SAMD5: variants seen among roughly 807,000 people sequenced by gnomAD.
SAMD5 encodes the protein sterile alpha motif domain-containing protein 5.
SAMD5 carries 13 observed loss-of-function variants against 11.3 expected under a neutral mutation model. The ratio of observed to expected loss-of-function variants is 1.15; its 90% CI spans 0.75 to 1.83. The LOEUF is 1.83. Ranked by LOEUF, SAMD5 falls within the 40% of genes most tolerant of loss-of-function variation. The pLI is 0.00. For missense variants in SAMD5, 255 were observed against 239.1 expected (o/e 1.07, Z -0.44); for synonymous variants, 129 against 111.3 (o/e 1.16, Z -1.00).
chr6:147,917,570 CATTTGTCA>C, the SAMD5 span, among the ~76,000 whole-genome samples: 3 of 151,980 alleles, frequency 2.0e-5, no homozygotes, highest in Non-Finnish European at 2.9e-5. Flanking sequence ...AATTAGATCC[CATTTGTCA>C]ATTTTGTCTT....
At chr6:147,841,522 T>C in the SAMD5 span, among the ~76,000 whole-genome samples, 10 of 152,286 alleles carry the variant, frequency 6.6e-5, no homozygotes, top group East Asian at 1.9e-4. Flanking sequence ...TCACATTAGT[T>C]TGGGCCCAGA....
intron 1 of SAMD5, among the ~76,000 whole-genome samples, chr6:147,562,991 G>C (rs934451319): frequency 6.6e-6 from 1 of 152,194 alleles, no homozygotes; most frequent in Non-Finnish European, 1.5e-5. Flanking sequence ...TATAACAAGA[G>C]CTGATGTTTA....
chr6:147,620,998 G>A lies in SAMD5; in HGVS notation c.162+111611G>A, dbSNP rs1025880153. The stretch of plus-strand genomic sequence containing the variant: ...TGTGTGTGTGTGTGTGTGCGCGCGC[G>A]CACATGCGCGCGCATGTAGGGAAAA... On this transcript the variant is annotated intron_variant, in intron 1 of 1. Transcript: ENST00000566741. 2.0e-5 allele frequency among the ~76,000 whole-genome samples: 3 copies of A among 149,690 alleles called. No homozygotes were observed. The East Asian group carries it at 5.9e-4, about 29-fold the overall frequency.
At chr6:147,549,391 G>A (rs938613603) in intron 1 of SAMD5, among the ~76,000 whole-genome samples, 1 of 152,192 alleles carries the variant, frequency 6.6e-6, no homozygotes, top group African/African-American at 2.4e-5. Flanking sequence ...GGAACTGACT[G>A]GCACTCATAC....
intron 1 of SAMD5, among the ~76,000 whole-genome samples, chr6:147,684,182 TAAAAG>T (rs1226705417): frequency 1.3e-5 from 2 of 152,248 alleles, no homozygotes; most frequent in Admixed American, 6.5e-5. Context: ...TTGAGCTTTA[TAAAAG>T]TGGATTTCAA....
chr6:147,881,768 T>TCA, the SAMD5 span, among the ~76,000 whole-genome samples: 1 of 152,318 alleles, frequency 6.6e-6, no homozygotes, highest in East Asian at 1.9e-4. Flanking sequence ...GGAGAATTCC[T>TCA]CACTTCAAGA....
At chr6:147,705,194 G>A (rs1791308941) in intron 1 of SAMD5, among the ~76,000 whole-genome samples, 1 of 152,118 alleles carries the variant, frequency 6.6e-6, no homozygotes, top group Non-Finnish European at 1.5e-5. Flanking sequence ...TTCTTCTCCT[G>A]TATAAAAACC....
At chr6:147,586,882 A>G (rs947407125) in intron 1 of SAMD5, among the ~76,000 whole-genome samples, 23 of 152,142 alleles carry the variant, frequency 1.5e-4, no homozygotes, top group African/African-American at 5.3e-4. Flanking sequence ...AAATTTCAGA[A>G]TTATGAGAAC....
At chr6:147,744,835 T>G in the SAMD5 span, among the ~76,000 whole-genome samples, 1 of 151,732 alleles carries the variant, frequency 6.6e-6, no homozygotes, top group African/African-American at 2.4e-5. Flanking sequence ...AAGGCAGAGG[T>G]TGCAGTGAGC....
chr6:147,532,879 G>T, intron 1 of SAMD5, among the ~76,000 whole-genome samples: 1 of 152,172 alleles, frequency 6.6e-6, no homozygotes, highest in East Asian at 1.9e-4. Flanking sequence ...TCCTCCCGGA[G>T]AGCCAGTTGT....
At chr6:147,896,926 T>C in the SAMD5 span, among the ~76,000 whole-genome samples, 2 of 152,020 alleles carry the variant, frequency 1.3e-5, no homozygotes, top group Non-Finnish European at 2.9e-5. Context: ...CAAAAGACCA[T>C]GTATTGCATG....
the SAMD5 span, among the ~76,000 whole-genome samples, chr6:147,905,098 G>C: frequency 1.3e-5 from 2 of 152,122 alleles, no homozygotes; most frequent in Admixed American, 1.3e-4. Flanking sequence ...ACATTGGTCA[G>C]GCTGGTCTCG....
chr6:147,630,877 C>T (rs985016580), intron 1 of SAMD5, among the ~76,000 whole-genome samples: 6 of 151,856 alleles, frequency 4.0e-5, no homozygotes, highest in Non-Finnish European at 7.4e-5. Context: ...CCCAAAACTC[C>T]AGCGCCAGTG....
chr6:147,607,161 A>G (rs1789715626), intron 1 of SAMD5, among the ~76,000 whole-genome samples: 1 of 152,082 alleles, frequency 6.6e-6, no homozygotes, highest in African/African-American at 2.4e-5. Context: ...AGAAGTTTGA[A>G]TTTTTTTAAA....
chr6:147,556,891 T>TAA, intron 1 of SAMD5, among the ~76,000 whole-genome samples: 1 of 152,326 alleles, frequency 6.6e-6, no homozygotes, highest in South Asian at 2.1e-4. Context: ...AAACCTTCTC[T>TAA]CTTGTCTTGC....
chr6:147,773,378 C>T, the SAMD5 span, among the ~76,000 whole-genome samples: 1 of 152,176 alleles, frequency 6.6e-6, no homozygotes, highest in African/African-American at 2.4e-5. Flanking sequence ...AATCACAGTT[C>T]ACTCATCTGT....
chr6:147,843,539 CA>C, the SAMD5 span, among the ~76,000 whole-genome samples: 1 of 151,986 alleles, frequency 6.6e-6, no homozygotes, highest in Non-Finnish European at 1.5e-5. Context: ...CAGTCAAAGC[CA>C]TCTTGACCAA....
the SAMD5 span, among the ~76,000 whole-genome samples, chr6:147,917,477 G>T: frequency 6.6e-6 from 1 of 151,994 alleles, no homozygotes; most frequent in South Asian, 2.1e-4. Context: ...AGATAAGTAG[G>T]TTGCGAAAAT....
intron 1 of SAMD5, among the ~76,000 whole-genome samples, chr6:147,676,824 C>G (rs1790869488): frequency 1.8e-5 from 1 of 55,566 alleles, no homozygotes; most frequent in Non-Finnish European, 3.2e-5. Context: ...GAAAGAGTGG[C>G]CTGGGGGTGG....
Sources: gnomAD v4.1 joint callset for allele counts (sites outside exome capture counted in the v4.1 genomes callset) on GRCh38, gnomAD v4.1.1 for gene constraint, MANE v1.5 for transcripts, NCBI Gene and HGNC (gene_info 2026-07-23, HGNC 2026-07-21) for gene names.